SH3D19: variants seen among roughly 807,000 people sequenced by gnomAD.
SH3D19 encodes SH3 domain containing 19, also known as SH3 domain-containing protein 19.
In SH3D19, 58 loss-of-function variants were observed where a neutral mutation model predicts 112.1. The ratio of observed to expected loss-of-function variants is 0.52; its 90% CI spans 0.42 to 0.64. The LOEUF is 0.64. Ranked by LOEUF, SH3D19 falls within the 30% of genes least tolerant of loss-of-function variation. The pLI is 0.00. For missense variants in SH3D19, 1,090 were observed against 1,263.4 expected (o/e 0.86, Z 2.08); for synonymous variants, 391 against 448.5 (o/e 0.87, Z 1.62).
chr4:151,195,992 G>T lies in SH3D19; in HGVS notation c.153-8529C>A, dbSNP rs1763404686. Among the ~76,000 whole-genome samples the T allele has an allele frequency of 4.6e-5, 7 of 151,568 alleles. No homozygotes were observed. The South Asian group carries it at 1.5e-3, about 32-fold the overall frequency. ...TCCTGGTTTCAAAAACTATATATAT[G>T]CAAAGGGGTGACACATCCCTTCGGA... is the stretch of plus-strand genomic sequence containing the variant. On this transcript the variant is annotated intron_variant, in intron 2 of 19. Transcript: ENST00000604030.
At chr4:151,216,742 T>C (rs999833009) in intron 2 of SH3D19, among the ~76,000 whole-genome samples, 17 of 152,208 alleles carry the variant, frequency 1.1e-4, no homozygotes, top group Non-Finnish European at 2.4e-4. Flanking sequence ...CACTAAGTAC[T>C]ATGGCAGTGG....
intron 2 of SH3D19, among the ~76,000 whole-genome samples, chr4:151,190,651 A>C (rs1426209525): frequency 6.6e-6 from 1 of 152,252 alleles, no homozygotes; most frequent in Non-Finnish European, 1.5e-5. Context: ...ACAGAAGTCA[A>C]GAATTGAGGT....
chr4:151,187,313 T>C (rs1761954606), intron 3 of SH3D19, 110 bp downstream of exon 3: 1 of 544,934 alleles, frequency 1.8e-6, no homozygotes. Context: ...TAGGAGAAGC[T>C]ACTCTTGGGT....
intron 1 of SH3D19, among the ~76,000 whole-genome samples, chr4:151,233,932 C>A (rs1343923722): frequency 6.6e-6 from 1 of 152,208 alleles, no homozygotes; most frequent in Non-Finnish European, 1.5e-5. Context: ...AATGTTTGTT[C>A]ATAATGGTAC....
chr4:151,294,392 G>A (rs1411597887), intron 1 of SH3D19, among the ~76,000 whole-genome samples: 2 of 152,190 alleles, frequency 1.3e-5, no homozygotes, highest in African/African-American at 4.8e-5. Context: ...TCATTAACAA[G>A]GAGTTGAAAC....
At chr4:151,252,198 A>G (rs1771471952) in intron 1 of SH3D19, among the ~76,000 whole-genome samples, 2 of 152,232 alleles carry the variant, frequency 1.3e-5, no homozygotes, top group Admixed American at 1.3e-4. Flanking sequence ...ATTAGCACAC[A>G]AACAGGATGT....
intron 2 of SH3D19, among the ~76,000 whole-genome samples, chr4:151,196,707 C>A (rs1763523438): frequency 6.6e-6 from 1 of 151,996 alleles, no homozygotes; most frequent in Non-Finnish European, 1.5e-5. Flanking sequence ...GAGTAAACAA[C>A]CCACAGAGTG....
rs572372553 is a variant in SH3D19 at position 151,300,950 on chromosome 4, G to A, written c.112+24291C>T. 9.7e-4 allele frequency among the ~76,000 whole-genome samples: 147 copies of A among 152,300 alleles called. 1 individual carries two copies. Among genetic ancestry groups the A allele is most frequent in the African/African-American group, 3.5e-3 (144 of 41,576 alleles). On this transcript the variant is annotated intron_variant, in intron 1 of 19. Transcript: ENST00000604030. ...GTAGGCAATTGTGGTGAGGGAAGAA[G>A]TTAAGTACTTCACCCAGCTTTCTGG...
intron 2 of SH3D19, among the ~76,000 whole-genome samples, chr4:151,192,228 C>T (rs1475260694): frequency 2.6e-5 from 4 of 152,316 alleles, no homozygotes; most frequent in Admixed American, 6.5e-5. Context: ...TGAGCCACCG[C>T]GCCCGGCAAG....
intron 1 of SH3D19, among the ~76,000 whole-genome samples, chr4:151,254,967 C>T (rs1771717685): frequency 6.6e-6 from 1 of 150,824 alleles, no homozygotes; most frequent in Non-Finnish European, 1.5e-5. Flanking sequence ...CCCCACCTCC[C>T]TCCCGGATGG....
intron 2 of SH3D19, among the ~76,000 whole-genome samples, chr4:151,206,634 G>A (rs1765150215): frequency 6.6e-6 from 1 of 151,966 alleles, no homozygotes; most frequent in Non-Finnish European, 1.5e-5. Context: ...TCTAAATTAC[G>A]GTATTGTTAT....
At chr4:151,181,545 C>T (rs1359249880) in intron 3 of SH3D19, 2 of 152,196 alleles carry the variant, frequency 1.3e-5, no homozygotes, top group Admixed American at 6.5e-5. Flanking sequence ...TAGAGCTCTG[C>T]ATGGTGTGTC....
At chr4:151,133,011 T>TA (rs752770002) in intron 16 of SH3D19, 23 bp downstream of exon 16, 14 of 1,588,386 alleles carry the variant, frequency 8.8e-6, no homozygotes, top group South Asian at 2.2e-5. Context: ...CATAACATAA[T>TA]AAAAAAAATT....
chr4:151,149,843 C>T (rs966771857), intron 9 of SH3D19, among the ~76,000 whole-genome samples: 2 of 152,060 alleles, frequency 1.3e-5, no homozygotes, highest in African/African-American at 4.8e-5. Flanking sequence ...TCAGTGGATT[C>T]ATGAGATATT....
chr4:151,184,925 A>G (rs1761505570), intron 3 of SH3D19, among the ~76,000 whole-genome samples: 1 of 152,124 alleles, frequency 6.6e-6, no homozygotes, highest in Non-Finnish European at 1.5e-5. Context: ...TGCCAGACAC[A>G]ATAACCTGTT....
intron 1 of SH3D19, among the ~76,000 whole-genome samples, chr4:151,285,994 G>A (rs1438071640): frequency 6.1e-5 from 9 of 148,284 alleles, no homozygotes; most frequent in Admixed American, 6.1e-4. Flanking sequence ...CCAGGAGTTC[G>A]AGACCAGCCT....
chr4:151,149,643 G>A (rs925150967), intron 9 of SH3D19, 82 bp from the exon 10 acceptor site: 2 of 1,245,154 alleles, frequency 1.6e-6, no homozygotes, highest in African/African-American at 1.5e-5. Context: ...CAACCTTTTG[G>A]CTGGATCTAC....
chr4:151,165,744 G>GA, intron 7 of SH3D19, 48 bp from the exon 8 acceptor site: 1 of 1,481,822 alleles, frequency 6.7e-7, no homozygotes, highest in Non-Finnish European at 9.4e-7. Flanking sequence ...AACATGGACT[G>GA]AAACAAAAAA....
chr4:151,137,088 C>T (rs756379424), intron 14 of SH3D19, among the ~76,000 whole-genome samples: 80 of 152,182 alleles, frequency 5.3e-4, no homozygotes, highest in Non-Finnish European at 8.4e-4. Flanking sequence ...CCCCATGTTT[C>T]ACACAGCCAT....
Sources: gnomAD v4.1 joint callset for allele counts (sites outside exome capture counted in the v4.1 genomes callset) on GRCh38, gnomAD v4.1.1 for gene constraint, MANE v1.5 for transcripts, NCBI Gene and HGNC (gene_info 2026-07-23, HGNC 2026-07-21) for gene names.